ZEB1: variants seen among roughly 807,000 people sequenced by gnomAD.
ZEB1 encodes zinc finger E-box binding homeobox 1.
ZEB1 carries 21 observed loss-of-function variants against 84.9 expected under a neutral mutation model. The ratio of observed to expected loss-of-function variants is 0.25; its 90% CI spans 0.18 to 0.36. The LOEUF (loss-of-function observed/expected upper bound fraction) is 0.36. ZEB1 is among the 10% of genes least tolerant of loss of function. The pLI is 1.00. For synonymous variants in ZEB1, 420 were observed against 471.1 expected, an observed-to-expected ratio of 0.89 and a Z score of 1.41; for missense variants, 1,104 against 1,330.2, an observed-to-expected ratio of 0.83 and a Z score of 2.65.
intron 1 of ZEB1, among the ~76,000 whole-genome samples, chr10:31,350,793 A>T (rs1426994512): frequency 6.6e-6 from 1 of 152,176 alleles, no homozygotes; most frequent in Non-Finnish European, 1.5e-5. Flanking sequence ...TAAATTGGAA[A>T]TTGAAATTAC....
intron 2 of ZEB1, among the ~76,000 whole-genome samples, chr10:31,489,061 GAGTAT>G (rs1258385739): frequency 6.6e-6 from 1 of 151,200 alleles, no homozygotes; most frequent in African/African-American, 2.4e-5. Context: ...AATGCAAGAG[GAGTAT>G]TAGAAGCCTG....
At chr10:31,467,971 C>T (rs1591581722) in intron 2 of ZEB1, among the ~76,000 whole-genome samples, 1 of 152,050 alleles carries the variant, frequency 6.6e-6, no homozygotes, top group Non-Finnish European at 1.5e-5. Context: ...GGAGGGAGAC[C>T]CACCAGTCAG....
At chr10:31,344,413 A>C (rs1247959739) in intron 1 of ZEB1, among the ~76,000 whole-genome samples, 1 of 150,718 alleles carries the variant, frequency 6.6e-6, no homozygotes, top group Admixed American at 6.6e-5. Context: ...TTAAATAAGT[A>C]TTTAAGATTT....
chr10:31,501,193 A>G (rs1312360762), intron 3 of ZEB1, among the ~76,000 whole-genome samples: 1 of 152,210 alleles, frequency 6.6e-6, no homozygotes, highest in Non-Finnish European at 1.5e-5. Flanking sequence ...GTCTATAAAG[A>G]AGTCATCCCT....
intron 1 of ZEB1, among the ~76,000 whole-genome samples, chr10:31,447,507 T>C (rs538464468): frequency 0.028 from 3,794 of 133,270 alleles, 172 homozygotes; most frequent in African/African-American, 0.1. Flanking sequence ...TTCTTCCTAG[T>C]CTCGATGGTC....
intron 1 of ZEB1, among the ~76,000 whole-genome samples, chr10:31,345,760 G>A (rs2040192787): frequency 6.6e-6 from 1 of 152,110 alleles, no homozygotes; most frequent in African/African-American, 2.4e-5. Context: ...TAGATCCCAA[G>A]GGGGTATTGA....
intron 1 of ZEB1, among the ~76,000 whole-genome samples, chr10:31,459,013 A>C (rs2061540790): frequency 6.6e-6 from 1 of 152,158 alleles, no homozygotes; most frequent in Admixed American, 6.5e-5. Context: ...AGCTGAGCTT[A>C]GCCTGCCTTA....
chr10:31,413,844 T>TA (rs1368827107), intron 1 of ZEB1, among the ~76,000 whole-genome samples: 1 of 152,196 alleles, frequency 6.6e-6, no homozygotes, highest in African/African-American at 2.4e-5. Context: ...ATTAACTTGA[T>TA]AAAAAAGGGA....
intron 1 of ZEB1, among the ~76,000 whole-genome samples, chr10:31,404,898 G>A (rs1169894469): frequency 6.6e-6 from 1 of 151,998 alleles, no homozygotes; most frequent in East Asian, 1.9e-4. Flanking sequence ...AAGGTCACAG[G>A]GAGAAAAAGA....
At chr10:31,348,194 A>G (rs540724538) in intron 1 of ZEB1, among the ~76,000 whole-genome samples, 11 of 152,276 alleles carry the variant, frequency 7.2e-5, no homozygotes, top group South Asian at 2.1e-4. Flanking sequence ...GAAGCAGGGA[A>G]TGTCAGATGT....
At chr10:31,508,766 G>A (rs898561184) in intron 4 of ZEB1, among the ~76,000 whole-genome samples, 2 of 152,116 alleles carry the variant, frequency 1.3e-5, no homozygotes, top group African/African-American at 4.8e-5. Context: ...TTCTTACTGG[G>A]GAGGGCAAGG....
In ZEB1 at chr10:31,483,606, G is replaced by A. The variant is rs113282249; in HGVS notation, c.260-12170G>A. ...ATGGCCTCCAATAAGGTAGAATCCGGTAATTACTACATTACTGGTGATTTT... is the reference window on the plus strand; with the variant it reads ...ATGGCCTCCAATAAGGTAGAATCCGATAATTACTACATTACTGGTGATTTT... On this transcript the variant is annotated intron_variant, in intron 2 of 8. Coordinates refer to ENST00000424869, the MANE Select transcript of ZEB1 (RefSeq NM_001174096.2). Among the ~76,000 whole-genome samples, 148 of 152,034 alleles carry A rather than the reference G, an allele frequency of 9.7e-4. 3 individuals are homozygous for A. Among genetic ancestry groups the A allele is most frequent in the African/African-American group, 3.2e-3 (134 of 41,500 alleles).
At chr10:31,418,766 G>A (rs969638430) in intron 1 of ZEB1, among the ~76,000 whole-genome samples, 2 of 151,990 alleles carry the variant, frequency 1.3e-5, no homozygotes, top group South Asian at 4.2e-4. Flanking sequence ...AGGCTCCTAG[G>A]AATTTACTTT....
At chr10:31,506,690 C>T (rs747986238) in intron 4 of ZEB1, among the ~76,000 whole-genome samples, 2 of 152,034 alleles carry the variant, frequency 1.3e-5, no homozygotes, top group African/African-American at 4.8e-5. Flanking sequence ...CAGCACATAG[C>T]TGGGTCACAG....
chr10:31,377,753 C>G (rs2046916917), intron 1 of ZEB1, among the ~76,000 whole-genome samples: 1 of 151,636 alleles, frequency 6.6e-6, no homozygotes, highest in African/African-American at 2.4e-5. Flanking sequence ...GCCTCATTTT[C>G]AGACATTTTC....
chr10:31,388,298 T>G (rs978029549), intron 1 of ZEB1, among the ~76,000 whole-genome samples: 17 of 152,262 alleles, frequency 1.1e-4, no homozygotes, highest in Admixed American at 9.8e-4. Context: ...TCCCTTTCAT[T>G]TATCTTTTCT....
intron 1 of ZEB1, among the ~76,000 whole-genome samples, chr10:31,401,113 T>C (rs978503172): frequency 6.6e-6 from 1 of 152,174 alleles, no homozygotes; most frequent in Non-Finnish European, 1.5e-5. Flanking sequence ...TTGCCTAAAT[T>C]ATTTCCTTTA....
intron 1 of ZEB1, among the ~76,000 whole-genome samples, chr10:31,449,365 C>G (rs898494317): frequency 1.3e-5 from 2 of 152,338 alleles, no homozygotes; most frequent in Non-Finnish European, 2.9e-5. Context: ...GCAGAAATCA[C>G]CCGTCTTCTG....
intron 1 of ZEB1, among the ~76,000 whole-genome samples, chr10:31,331,035 T>C (rs981571662): frequency 1.6e-4 from 24 of 151,210 alleles, no homozygotes; most frequent in African/African-American, 4.9e-4. Context: ...AGCATTGAAC[T>C]GGGAAGGAGT....
Sources: allele counts gnomAD v4.1 joint callset (sites outside exome capture counted in the v4.1 genomes callset), GRCh38; gene constraint gnomAD v4.1.1; transcripts MANE v1.5; gene names NCBI Gene and HGNC (gene_info 2026-07-23, HGNC 2026-07-21).